ZNF76: variants seen among roughly 807,000 people sequenced by gnomAD.
ZNF76 encodes the protein zinc finger protein 76.
In ZNF76, 66 loss-of-function variants were observed where a neutral mutation model predicts 66.9. The ratio of observed to expected loss-of-function variants is 0.99; its 90% CI spans 0.81 to 1.21. The LOEUF is 1.21. ZNF76 is among the 50% of genes most tolerant of loss of function. The pLI is 0.00. For synonymous variants in ZNF76, 275 were observed against 296.1 expected, an observed-to-expected ratio of 0.93 and a Z score of 0.73; for missense variants, 729 against 760.3, an observed-to-expected ratio of 0.96 and a Z score of 0.48.
At chr6:35,277,009 G>C (rs994389851) in intron 1 of ZNF76, among the ~76,000 whole-genome samples, 9 of 150,338 alleles carry the variant, frequency 6.0e-5, no homozygotes, top group African/African-American at 2.2e-4. Flanking sequence ...ATGTTGGTCA[G>C]GCTGGTCTCG....
chr6:35,259,779 G>A lies in ZNF76; in HGVS notation c.-159G>A, dbSNP rs2150327421. ...ATGGCGCAGGCGGGTTGTGGGGCCG[G>A]CGCTGGTGGCGGGGCCCGGTGCATG... On this transcript the variant is annotated 5_prime_UTR_variant, in exon 1 of 14. Coordinates refer to ENST00000373953, the MANE Select transcript of ZNF76 (RefSeq NM_003427.5). 2 of 152,676 alleles carry A rather than the reference G, an allele frequency of 1.3e-5. 1 individual carries two copies. Among genetic ancestry groups the A allele is most frequent in the South Asian group, 4.1e-4 (2 of 4,840 alleles). The allele number at this position is 152,676 out of a possible 1,614,324, so 9.5% of individuals were successfully genotyped here.
rs1404617185 is a variant in ZNF76, at chr6:35,287,935, C to T, written c.432+90C>T. ...TCTTGGCCCTGCCAGAACTTCACCT[C>T]TCAAGAGGACAAGGGCAGCCCTGTG... On this transcript the variant is annotated intron_variant, in intron 5 of 13. Coordinates refer to ENST00000373953, the MANE Select transcript of ZNF76 (RefSeq NM_003427.5). The surrounding 1 kb of genome is among the most constrained non-coding windows in gnomAD (Gnocchi z 4.0). 2.1e-6 allele frequency: 3 copies of T among 1,423,202 alleles called. No homozygotes were observed. Among genetic ancestry groups the T allele is most frequent in the Non-Finnish European group, 2.9e-6 (3 of 1,039,932 alleles). 88.2% of individuals were successfully genotyped at this position (1,423,202 alleles called of 1,614,324 possible).
Position 35,295,308 on chromosome 6 carries a change from T to A in ZNF76, c.*60T>A. 7.0e-7 allele frequency: 1 copy of A among 1,425,060 alleles called. No individual in the cohort carries two copies. The allele number at this position is 1,425,060 out of a possible 1,614,324, so 88.3% of individuals were successfully genotyped here. On this transcript the variant is annotated 3_prime_UTR_variant, in exon 14 of 14. Coordinates refer to ENST00000373953, the MANE Select transcript of ZNF76 (RefSeq NM_003427.5). Reference sequence around the variant, plus strand: ...GAAGTGCCATCTGCATGGCCACTCTTGCCCCCAAGGGCCCAGGCTGTGGCT... The same window carrying A: ...GAAGTGCCATCTGCATGGCCACTCTAGCCCCCAAGGGCCCAGGCTGTGGCT...
intron 1 of ZNF76, among the ~76,000 whole-genome samples, chr6:35,274,922 A>C (rs1787652168): frequency 6.6e-6 from 1 of 152,144 alleles, no homozygotes; most frequent in Non-Finnish European, 1.5e-5. Flanking sequence ...TGGGAGGCCA[A>C]GGTGGGCGGA....
In ZNF76 at chr6:35,280,525, C is replaced by T. The variant is rs1013190953; in HGVS notation, c.-96-531C>T. On this transcript the variant is annotated intron_variant, in intron 1 of 13. Coordinates refer to ENST00000373953, the MANE Select transcript of ZNF76 (RefSeq NM_003427.5). ...GAGGACTCAAGCATGATCCCCCCCC[C>T]CCCCGCCCTGAAGTTCTGGGTGGAA... 1.2e-3 allele frequency among the ~76,000 whole-genome samples: 167 copies of T among 134,774 alleles called. 5 individuals are homozygous for T. The highest frequency in any genetic ancestry group is 1.9e-3 in the African/African-American group (70 of 36,304). 88.4% of individuals were successfully genotyped at this position (134,774 alleles called of 152,430 possible).
intron 1 of ZNF76, chr6:35,270,329 G>A (rs1786839974): frequency 6.6e-6 from 1 of 151,742 alleles, no homozygotes; most frequent in African/African-American, 2.4e-5. Flanking sequence ...TAGAGATGGG[G>A]TTTCACTATG....
chr6:35,281,937 T>TA lies in ZNF76; in HGVS notation c.73+732dup, dbSNP rs76963744. Among the ~76,000 whole-genome samples the TA allele has an allele frequency of 9.5e-3, 1,130 of 119,376 alleles. 13 individuals carry two copies. The highest frequency in any genetic ancestry group is 0.019 in the African/African-American group (617 of 31,874). 78.3% of individuals were successfully genotyped at this position (119,376 alleles called of 152,430 possible). The stretch of plus-strand genomic sequence containing the variant: ...GGTGACAGAGCAAGATCCCATCTCT[T>TA]AAAAAAAAAAAAAAAAAAAGATACT... On this transcript the variant is annotated intron_variant, in intron 2 of 13. Transcript: ENST00000373953.
chr6:35,285,127 T>C (rs1322709078), intron 2 of ZNF76, among the ~76,000 whole-genome samples: 1 of 152,236 alleles, frequency 6.6e-6, no homozygotes, highest in Non-Finnish European at 1.5e-5. Context: ...AAGAGCCTTA[T>C]TAGAAGTGCT....
intron 1 of ZNF76, among the ~76,000 whole-genome samples, chr6:35,272,002 G>A (rs1787143065): frequency 6.6e-6 from 1 of 152,068 alleles, no homozygotes; most frequent in Admixed American, 6.5e-5. Context: ...CTACTCGGGA[G>A]GCTGAGGTGG....
At chr6:35,289,216 C>G (rs1490907112) in intron 5 of ZNF76, among the ~76,000 whole-genome samples, 1 of 152,124 alleles carries the variant, frequency 6.6e-6, no homozygotes, top group Non-Finnish European at 1.5e-5. Flanking sequence ...AGGTCACTTC[C>G]ATCCCTGATG....
chr6:35,268,463 G>A (rs1786484675), intron 1 of ZNF76, among the ~76,000 whole-genome samples: 1 of 151,750 alleles, frequency 6.6e-6, no homozygotes, highest in Admixed American at 6.6e-5. Flanking sequence ...ATGGAATGGG[G>A]AAATTTTGTC....
At chr6:35,272,428 C>T (rs191989462) in intron 1 of ZNF76, among the ~76,000 whole-genome samples, 11 of 151,780 alleles carry the variant, frequency 7.2e-5, no homozygotes, top group South Asian at 2.1e-4. Flanking sequence ...ATGATCATGC[C>T]GTTGCACTTG....
rs1017707578 is a variant in ZNF76 at position 35,287,800 on chromosome 6, C to T, written c.387C>T (p.Gly129=). ...LEDLAAEDDE[G]FSADAVVALE... is the part of the protein sequence containing the mutation. ...ACCTGGCAGCAGAGGATGATGAGGG[C>T]TTCAGTGCAGACGCAGTGGTGGCCC... Residue 129 remains glycine, a synonymous_variant, in exon 5 of 14, where the codon GGC becomes GGT. Transcript: ENST00000373953. This position sits in a 1 kb window ranked among gnomAD's most constrained non-coding sequence, Gnocchi z 4.0. 14 of 1,612,170 alleles carry T rather than the reference C, an allele frequency of 8.7e-6. No homozygotes were observed. Among genetic ancestry groups the T allele is most frequent in the African/African-American group, 2.7e-5 (2 of 74,828 alleles).
intron 5 of ZNF76, chr6:35,288,146 G>A (rs1221980789): frequency 3.4e-6 from 2 of 587,142 alleles, no homozygotes; most frequent in African/African-American, 3.7e-5. Context: ...GCATCCTTAT[G>A]CTGAGGAGTT....
At position 35,291,581 on chromosome 6, in the gene ZNF76, T is replaced by C. The variant is rs1790387872; in HGVS notation, c.775T>C (p.Phe259Leu). The change falls in exon 9 of 14, where the codon TTT (phenylalanine) becomes CTT (leucine). Residue 259 changes from phenylalanine (F) to leucine (L), a missense_variant. Physicochemically the swap from Phe to Leu is conservative, Grantham distance 22. Transcript: ENST00000373953. ...HTGERPFQCP[F>L]EGCGRSFTTS... is the part of the protein sequence containing the mutation. ...AGGTGAACGCCCGTTCCAGTGCCCT[T>C]TTGAGGGCTGTGGCCGCTCCTTCAC... 1 of 1,613,840 alleles carries C rather than the reference T, an allele frequency of 6.2e-7. No homozygotes were observed. The highest frequency in any genetic ancestry group is 1.3e-5 in the African/African-American group (1 of 74,920).
At chr6:35,282,740 AG>A (rs1265708918) in intron 2 of ZNF76, among the ~76,000 whole-genome samples, 1 of 152,226 alleles carries the variant, frequency 6.6e-6, no homozygotes, top group African/African-American at 2.4e-5. Flanking sequence ...CTAAGTTTAC[AG>A]ATAAGTTGTT....
At chr6:35,291,462 C>T (rs1042316926) in intron 8 of ZNF76, 59 bp downstream of exon 8, 19 of 1,612,992 alleles carry the variant, frequency 1.2e-5, no homozygotes, top group African/African-American at 2.7e-5. Context: ...TTCAGCTTGC[C>T]TTTCAGACTT....
intron 5 of ZNF76, chr6:35,288,116 A>G (rs1789856849): frequency 1.6e-6 from 1 of 638,704 alleles, no homozygotes; most frequent in Non-Finnish European, 2.9e-6. Context: ...GCAGAGGGAA[A>G]GCTGCCATAA....
chr6:35,290,434 G>A (rs1790211799), intron 6 of ZNF76, 52 bp downstream of exon 6: 3 of 1,602,052 alleles, frequency 1.9e-6, no homozygotes, highest in Non-Finnish European at 2.6e-6. Flanking sequence ...CTCCCAGGCT[G>A]TAATTCTACC....
Sources: allele counts gnomAD v4.1 joint callset (sites outside exome capture counted in the v4.1 genomes callset), GRCh38; gene constraint gnomAD v4.1.1; non-coding constraint Gnocchi (gnomAD v3.1); transcripts MANE v1.5; gene names NCBI Gene and HGNC (gene_info 2026-07-23, HGNC 2026-07-21).